Variants in HAVCR2 observed in about 807,000 individuals in gnomAD.
The protein encoded by HAVCR2 is T cell immunoglobulin mucin 3.
In HAVCR2, 13 loss-of-function variants were observed where a neutral mutation model predicts 24.7. That is an observed-to-expected ratio of 0.53 (90% CI 0.34 to 0.84). The LOEUF is 0.84. Among genes scored for constraint, HAVCR2 ranks in the 40% least tolerant of loss-of-function variants. The pLI is 0.01. For synonymous variants in HAVCR2, 154 were observed against 143.4 expected, an observed-to-expected ratio of 1.07 and a Z score of -0.53; for missense variants, 343 against 371.2, an observed-to-expected ratio of 0.92 and a Z score of 0.62.
chr5:157,099,348 C>T (rs1757139135), intron 3 of HAVCR2, among the ~76,000 whole-genome samples: 2 of 151,362 alleles, frequency 1.3e-5, no homozygotes, highest in African/African-American at 2.4e-5. Context: ...CCTCGGCCTC[C>T]CTGGTTCAAG....
At chr5:157,089,807 GGCCCAA>G (rs1756969327) in intron 5 of HAVCR2, among the ~76,000 whole-genome samples, 1 of 152,016 alleles carries the variant, frequency 6.6e-6, no homozygotes, top group East Asian at 1.9e-4. Flanking sequence ...TTAAGGGAGC[GGCCCAA>G]GATAAGGTCT....
chr5:157,107,857 CT>C (rs1186590684), intron 1 of HAVCR2, among the ~76,000 whole-genome samples: 1 of 128,452 alleles, frequency 7.8e-6, no homozygotes, highest in Non-Finnish European at 1.6e-5. Context: ...TATTTTTCCT[CT>C]GCCCCCCCCC....
chr5:157,090,642 C>T (rs187870289), intron 5 of HAVCR2, among the ~76,000 whole-genome samples: 12 of 151,870 alleles, frequency 7.9e-5, no homozygotes, highest in Admixed American at 2.6e-4. Flanking sequence ...CTTGGCCTCC[C>T]GAAGTGTTAG....
At chr5:157,103,020 G>A (rs890034430) in intron 3 of HAVCR2, among the ~76,000 whole-genome samples, 1 of 151,506 alleles carries the variant, frequency 6.6e-6, no homozygotes, top group Non-Finnish European at 1.5e-5. Flanking sequence ...GCACCACCTC[G>A]ACAGGGAGTG....
intron 3 of HAVCR2, 131 bp downstream of exon 3, chr5:157,104,535 A>C: frequency 1.7e-6 from 1 of 581,296 alleles, no homozygotes; most frequent in Non-Finnish European, 3.0e-6. Context: ...CTTTTCAAAC[A>C]CTATTTCAGG....
At chr5:157,104,924 G>T (rs1757224807) in intron 2 of HAVCR2, 175 bp from the exon 3 acceptor site, 3 of 449,402 alleles carry the variant, frequency 6.7e-6, no homozygotes, top group Non-Finnish European at 1.2e-5. Context: ...CACTTCAAAT[G>T]TTTGACAAAG....
rs745759874 is a variant in HAVCR2 at position 157,087,270 on chromosome 5, A to T, written c.738T>A (p.Pro246=). ...CTACTGCATTTGCCAATCCTGAGGG[A>T]GGGAGGTTGGCCAAAGAGATGAGGC... ...NLSLISLANL[P]PSGLANAVAE... Residue 246 remains proline, a synonymous_variant, in exon 7 of 7, where the codon CCT becomes CCA. Coordinates refer to ENST00000307851, the MANE Select transcript of HAVCR2 (RefSeq NM_032782.5). 6.2e-7 allele frequency: 1 copy of T among 1,610,704 alleles called. No homozygotes were observed. The highest frequency in any genetic ancestry group is 8.5e-7 in the Non-Finnish European group (1 of 1,179,246).
chr5:157,100,053 GC>G (rs1757147766), intron 3 of HAVCR2, among the ~76,000 whole-genome samples: 1 of 152,170 alleles, frequency 6.6e-6, no homozygotes, highest in South Asian at 2.1e-4. Context: ...AGACAGGGTT[GC>G]CAACAAATGA....
chr5:157,103,390 A>G (rs1229174654), intron 3 of HAVCR2, among the ~76,000 whole-genome samples: 3 of 151,254 alleles, frequency 2.0e-5, no homozygotes, highest in Admixed American at 6.6e-5. Flanking sequence ...AAAAAAAAAA[A>G]GTACTGAAGC....
At position 157,106,698 on chromosome 5, in the gene HAVCR2, T is replaced by C; in HGVS notation, c.323A>G (p.Tyr108Cys). The change falls in exon 2 of 7, where the codon TAC becomes TGC. Residue 108 changes from tyrosine (Y) to cysteine (C), a missense_variant. Tyr to Cys is a radical substitution (Grantham distance 194, BLOSUM62 -2). Coordinates refer to ENST00000307851, the MANE Select transcript of HAVCR2 (RefSeq NM_032782.5). ...ENVTLADSGI[Y>C]CCRIQIPGIM... is the part of the protein sequence containing the mutation. ...GCCTGGGATTTGGATCCGGCAGCAG[T>C]AGATCCCACTGTCTGCTAGAGTCAC... 6.2e-7 allele frequency: 1 copy of C among 1,614,216 alleles called. No individual in the cohort carries two copies. The highest frequency in any genetic ancestry group is 8.5e-7 in the Non-Finnish European group (1 of 1,180,020).
rs2113682683 is a variant in HAVCR2, at chr5:157,087,380, C to T, written c.714-86G>A. Reference sequence around the variant, plus strand: ...AAGAGAATAGGCTTTCCCAAAGAGACAGCAACTAAATATAGTGCATGATCT... The same window carrying T: ...AAGAGAATAGGCTTTCCCAAAGAGATAGCAACTAAATATAGTGCATGATCT... On this transcript the variant is annotated intron_variant, in intron 6 of 6. Transcript: ENST00000307851. 3.5e-6 allele frequency: 4 copies of T among 1,148,926 alleles called. No individual in the cohort carries two copies. In the South Asian group the frequency reaches 6.6e-5, roughly 19 times the overall value. 71.2% of individuals were successfully genotyped at this position (1,148,926 alleles called of 1,614,324 possible).
At chr5:157,098,743 G>T in intron 4 of HAVCR2, 115 bp downstream of exon 4, 2 of 878,100 alleles carry the variant, frequency 2.3e-6, no homozygotes, top group Non-Finnish European at 3.6e-6. Flanking sequence ...GGAATCTGAA[G>T]CTAAGGGAAC....
At chr5:157,092,878 CAAAAAAAAAAAAAAAAAA>C (rs556443053) in intron 5 of HAVCR2, among the ~76,000 whole-genome samples, 2,980 of 43,920 alleles carry the variant, frequency 0.068, 97 homozygotes, top group African/African-American at 0.12. Flanking sequence ...CTGTCTCTAC[CAAAAAAAAAAAAAAAAAA>C]AAAAAAAAAA....
chr5:157,103,413 AGT>A (rs1757199638), intron 3 of HAVCR2, among the ~76,000 whole-genome samples: 1 of 151,946 alleles, frequency 6.6e-6, no homozygotes, highest in Admixed American at 6.6e-5. Context: ...AGGATGGGAA[AGT>A]GAGACTAAAT....
chr5:157,098,859 G>A lies in HAVCR2; in HGVS notation c.521C>T (p.Thr174Ile), dbSNP rs1266650474. The A allele has an allele frequency of 3.1e-6, 5 of 1,612,558 alleles. No individual in the cohort carries two copies. In the African/African-American group the frequency reaches 6.7e-5, roughly 22 times the overall value. Residue 174 changes from threonine (T) to isoleucine (I), a missense_variant and splice_region_variant, in exon 4 of 7, where the codon ACA becomes ATA. Transcript: ENST00000307851. The stretch of plus-strand genomic sequence containing the variant: ...TAGCTCACAAAAAAAGTTACTTACT[G>A]TTAGATTTATATCAGGGAGGCTCCC... ...TLGSLPDINL[T>I]QISTLANELR... is the part of the protein sequence containing the mutation.
rs200484395 is a variant in HAVCR2 at position 157,101,346 on chromosome 5, AG to A, written c.479-2446del. On this transcript the variant is annotated intron_variant, in intron 3 of 6. Coordinates refer to ENST00000307851, the MANE Select transcript of HAVCR2 (RefSeq NM_032782.5). The stretch of plus-strand genomic sequence containing the variant: ...CAACCAAGATGGATGGGACAGTTGA[AG>A]GGAGTGGCAATGTTCTTTCTGGAGA... Among the ~76,000 whole-genome samples, 10 of 152,332 alleles carry A rather than the reference AG, an allele frequency of 6.6e-5. No homozygotes were observed. The East Asian group carries it at 1.9e-3, about 29-fold the overall frequency.
At chr5:157,087,807 T>G (rs1195143308) in intron 6 of HAVCR2, among the ~76,000 whole-genome samples, 1 of 150,250 alleles carries the variant, frequency 6.7e-6, no homozygotes, top group African/African-American at 2.5e-5. Flanking sequence ...GGGAGGCTAA[T>G]GCAGAGAATC....
At chr5:157,089,549 A>C (rs1756964890) in intron 5 of HAVCR2, among the ~76,000 whole-genome samples, 1 of 149,924 alleles carries the variant, frequency 6.7e-6, no homozygotes, top group Non-Finnish European at 1.5e-5. Flanking sequence ...AAAAAAAAAA[A>C]CAACAACAAA....
intron 1 of HAVCR2, 43 bp from the exon 2 acceptor site, chr5:157,107,005 G>T: frequency 6.6e-7 from 1 of 1,513,010 alleles, no homozygotes; most frequent in Admixed American, 1.9e-5. Context: ...AGCGGTGAGT[G>T]AGGTTACTCC....
Sources: allele counts gnomAD v4.1 joint callset (sites outside exome capture counted in the v4.1 genomes callset), GRCh38; gene constraint gnomAD v4.1.1; transcripts MANE v1.5; gene names NCBI Gene and HGNC (gene_info 2026-07-23, HGNC 2026-07-21).